MICAL3: variants seen among roughly 807,000 people sequenced by gnomAD.
The protein encoded by MICAL3 is [F-actin]-monooxygenase MICAL3.
A neutral mutation model predicts 207.4 loss-of-function variants in MICAL3; 62 were observed. That is an observed-to-expected ratio of 0.30 (90% CI 0.24 to 0.37). The LOEUF is 0.37. MICAL3 is among the 10% of genes least tolerant of loss of function. MICAL3 has a pLI of 1.00. For synonymous variants in MICAL3, 1,077 were observed against 1,069.3 expected, an observed-to-expected ratio of 1.01 and a Z score of -0.14; for missense variants, 2,368 against 2,635.6, an observed-to-expected ratio of 0.90 and a Z score of 2.22.
At chr22:17,980,477 C>T (rs1001305007) in intron 1 of MICAL3, among the ~76,000 whole-genome samples, 6 of 152,216 alleles carry the variant, frequency 3.9e-5, no homozygotes, top group African/African-American at 1.2e-4. Context: ...GGAATACCCT[C>T]CTAGTGGGCA....
At chr22:17,894,133 C>CT (rs1207261575) in intron 10 of MICAL3, among the ~76,000 whole-genome samples, 1 of 151,984 alleles carries the variant, frequency 6.6e-6, no homozygotes, top group East Asian at 1.9e-4. Context: ...TACACAGGGC[C>CT]GGGTGCGGTG....
chr22:17,946,339 T>C (rs1382383808), intron 1 of MICAL3, among the ~76,000 whole-genome samples: 4 of 152,216 alleles, frequency 2.6e-5, no homozygotes, highest in Non-Finnish European at 5.9e-5. Flanking sequence ...CCAGCACAGC[T>C]TGCATTCTCA....
At chr22:17,842,244 G>A (rs1386276374) in intron 19 of MICAL3, 4 of 577,640 alleles carry the variant, frequency 6.9e-6, no homozygotes, top group South Asian at 2.2e-5. Context: ...AGGTCAGAGC[G>A]TTCTCTCTCC....
In MICAL3 at chr22:17,891,769, CA is replaced by C. The variant is rs1466840644; in HGVS notation, c.1547-138del. ...GAAACAGTCAACACTAGTTTCCATG[CA>C]AAGAAAACAGTGAGGAACAAGGTTA... On this transcript the variant is annotated intron_variant, in intron 11 of 31. Transcript: ENST00000441493. 4.1e-6 allele frequency: 3 copies of C among 732,978 alleles called. No individual in the cohort carries two copies. In the African/African-American group the frequency reaches 5.3e-5, roughly 13 times the overall value. 45.4% of individuals were successfully genotyped at this position (732,978 alleles called of 1,614,324 possible). A position where few individuals can be genotyped will look rare whatever the true frequency, so the allele number is the denominator to read the frequency against.
chr22:17,885,991 T>A lies in MICAL3; in HGVS notation c.2128A>T (p.Arg710Trp). The A allele has an allele frequency of 6.2e-7, 1 of 1,614,044 alleles. No individual in the cohort carries two copies. The highest frequency in any genetic ancestry group is 8.5e-7 in the Non-Finnish European group (1 of 1,179,898). The stretch of plus-strand genomic sequence containing the variant: ...TTCCCAACGGCAACGTCCATCCTCC[T>A]GTCTGTCAGAGTGCTCACCAGGGTC... ...RPTLVSTLTD[R>W]RMDVAVGNQN... Residue 710 changes from arginine (R) to tryptophan (W), a missense_variant, in exon 16 of 32, where the codon AGG becomes TGG. Arg to Trp is a moderately radical substitution (Grantham distance 101). Around this residue, in one of 4 missense-constraint regions of MICAL3, gnomAD observed 1,770 missense variants for 1,863.2 expected, o/e 0.95. Transcript: ENST00000441493.
intron 19 of MICAL3, chr22:17,863,735 C>T (rs750753569): frequency 3.0e-6 from 3 of 985,070 alleles, no homozygotes; most frequent in Admixed American, 1.2e-4. Context: ...AGAATGAGCA[C>T]CACAAGGCCT....
At chr22:17,838,601 T>A (rs930399129) in intron 20 of MICAL3, among the ~76,000 whole-genome samples, 1 of 152,174 alleles carries the variant, frequency 6.6e-6, no homozygotes, top group Non-Finnish European at 1.5e-5. Flanking sequence ...GTTAAGTAAA[T>A]TGCCAACAGC....
intron 16 of MICAL3, among the ~76,000 whole-genome samples, chr22:17,883,515 T>C (rs1338736066): frequency 1.3e-5 from 2 of 152,134 alleles, no homozygotes; most frequent in Non-Finnish European, 2.9e-5. Context: ...TCTCAGCATC[T>C]CAGCAGACCT....
Position 17,862,179 on chromosome 22 carries a change from C to T in MICAL3, c.2605+2720G>A, listed in dbSNP as rs868479385. On this transcript the variant is annotated intron_variant, in intron 19 of 31. Transcript: ENST00000441493. ...CTACTGGTCGAGTGCACAGTAGAGG[C>T]GGTTACCATGGGCCTGAGCTAATGA... The T allele has an allele frequency of 4.9e-5, 48 of 985,242 alleles. No homozygotes were observed. The Middle Eastern group carries it at 6.8e-3, about 139-fold the overall frequency. The allele number at this position is 985,242 out of a possible 1,614,324, so 61.0% of individuals were successfully genotyped here. A position where few individuals can be genotyped will look rare whatever the true frequency, so the allele number is the denominator to read the frequency against.
intron 1 of MICAL3, among the ~76,000 whole-genome samples, chr22:17,910,458 T>C (rs1569129587): frequency 6.6e-6 from 1 of 152,218 alleles, no homozygotes; most frequent in Non-Finnish European, 1.5e-5. Context: ...TTAACAGATG[T>C]CAGCCACAGC....
rs1932498255 is a variant in MICAL3 at position 17,916,104 on chromosome 22, A to C, written c.-74-9218T>G. ...AACCCAAAAAGCAACAAAAAACAAA[A>C]ACCAAAAAACGAAAACACAATTTCT... On this transcript the variant is annotated intron_variant, in intron 1 of 31. Coordinates refer to ENST00000441493, the MANE Select transcript of MICAL3 (RefSeq NM_015241.3). Among the ~76,000 whole-genome samples, 3 of 151,482 alleles carry C rather than the reference A, an allele frequency of 2.0e-5. No individual in the cohort carries two copies. The South Asian group carries it at 6.2e-4, about 32-fold the overall frequency.
At chr22:17,918,148 C>A (rs1047266164) in intron 1 of MICAL3, among the ~76,000 whole-genome samples, 1 of 152,136 alleles carries the variant, frequency 6.6e-6, no homozygotes, top group Non-Finnish European at 1.5e-5. Context: ...GCCCTATAAA[C>A]GTGTCGTAAA....
chr22:17,850,945 C>T (rs991509677), intron 19 of MICAL3, among the ~76,000 whole-genome samples: 1 of 152,208 alleles, frequency 6.6e-6, no homozygotes, highest in Non-Finnish European at 1.5e-5. Context: ...TAAACCTTGA[C>T]TTGATTTGTA....
chr22:17,908,623 C>A (rs1041418164), intron 1 of MICAL3, among the ~76,000 whole-genome samples: 1 of 152,170 alleles, frequency 6.6e-6, no homozygotes, highest in Non-Finnish European at 1.5e-5. Flanking sequence ...TGAAGTTCTC[C>A]AAGGCTACTG....
chr22:17,965,183 CAAAA>C (rs370246938), intron 1 of MICAL3, among the ~76,000 whole-genome samples: 32 of 105,630 alleles, frequency 3.0e-4, no homozygotes, highest in African/African-American at 5.4e-4. Flanking sequence ...ACCCCGTCTC[CAAAA>C]AAAAAAAAAA....
chr22:17,931,728 T>C (rs1428629675), intron 1 of MICAL3, among the ~76,000 whole-genome samples: 1 of 152,236 alleles, frequency 6.6e-6, no homozygotes, highest in Non-Finnish European at 1.5e-5. Context: ...CTGTGGCATT[T>C]AGAACCTGCA....
chr22:17,855,218 C>G (rs1452653602), intron 19 of MICAL3, among the ~76,000 whole-genome samples: 1 of 152,186 alleles, frequency 6.6e-6, no homozygotes, highest in Admixed American at 6.5e-5. Context: ...ACAGAGTGGC[C>G]CAAGCCTGAG....
intron 1 of MICAL3, among the ~76,000 whole-genome samples, chr22:18,014,821 A>G (rs763348787): frequency 2.0e-5 from 3 of 151,984 alleles, no homozygotes; most frequent in Non-Finnish European, 4.4e-5. Context: ...GTGAAACCCC[A>G]TCTCTACTAA....
At chr22:17,962,176 C>A (rs1934941878) in intron 1 of MICAL3, among the ~76,000 whole-genome samples, 1 of 152,204 alleles carries the variant, frequency 6.6e-6, no homozygotes, top group African/African-American at 2.4e-5. Flanking sequence ...AGCGAGACAT[C>A]ATTCCAACCC....
Sources: allele counts gnomAD v4.1 joint callset (sites outside exome capture counted in the v4.1 genomes callset), GRCh38; gene constraint gnomAD v4.1.1; regional missense constraint gnomAD v4.1.1; transcripts MANE v1.5; gene names NCBI Gene and HGNC (gene_info 2026-07-23, HGNC 2026-07-21).